CDH8: variants seen among roughly 807,000 people sequenced by gnomAD.
CDH8 encodes cadherin-8.
A neutral mutation model predicts 68.1 loss-of-function variants in CDH8; 17 were observed. The observed-to-expected ratio is 0.25, with a 90% CI of 0.17 to 0.37. The LOEUF (loss-of-function observed/expected upper bound fraction) is 0.37. Among genes scored for constraint, CDH8 ranks in the 10% least tolerant of loss-of-function variants. The probability of loss-of-function intolerance (pLI) is 1.00; values close to 1 mark genes in which losing one functional copy is unlikely to be tolerated. For synonymous variants in CDH8, 372 were observed against 365.1 expected (o/e 1.02, Z -0.21); for missense variants, 763 against 999.3 (o/e 0.76, Z 3.19).
At chr16:62,012,498 G>A (rs539048079) in intron 2 of CDH8, among the ~76,000 whole-genome samples, 3 of 152,088 alleles carry the variant, frequency 2.0e-5, no homozygotes, top group Admixed American at 2.0e-4. Flanking sequence ...TTTTTAAAAC[G>A]AGATTCTATT....
chr16:61,727,550 T>A lies in CDH8; in HGVS notation c.1415-335A>T, dbSNP rs1486877631. 2.0e-5 allele frequency among the ~76,000 whole-genome samples: 3 copies of A among 151,098 alleles called. No individual in the cohort carries two copies. In the East Asian group the frequency reaches 5.9e-4, roughly 30 times the overall value. Reference sequence around the variant, plus strand: ...AGAAAAATGTTGTATACAACAAAAATGTATCTCTTTTTTTCTTGAGTAGAA... The same window carrying A: ...AGAAAAATGTTGTATACAACAAAAAAGTATCTCTTTTTTTCTTGAGTAGAA... On this transcript the variant is annotated intron_variant, in intron 8 of 11. Transcript: ENST00000577390.
chr16:61,901,540 T>G (rs984400403), intron 2 of CDH8, 67 bp from the exon 3 acceptor site: 1 of 1,103,348 alleles, frequency 9.1e-7, no homozygotes, highest in Non-Finnish European at 1.3e-6. Context: ...AACTACCTCC[T>G]TTTTGAATAT....
At chr16:61,960,360 TACAC>T (rs1201749350) in intron 2 of CDH8, among the ~76,000 whole-genome samples, 1 of 98,752 alleles carries the variant, frequency 1.0e-5, no homozygotes, top group Non-Finnish European at 1.9e-5. Flanking sequence ...TGTGTGTGTA[TACAC>T]ATACATATAT....
intron 2 of CDH8, among the ~76,000 whole-genome samples, chr16:61,988,976 G>C (rs1005232776): frequency 4.6e-5 from 7 of 152,034 alleles, no homozygotes; most frequent in Non-Finnish European, 1.0e-4. Flanking sequence ...AAAAATGAGA[G>C]GGTCAGGGTA....
At chr16:61,663,251 T>C (rs1348704721) in intron 10 of CDH8, among the ~76,000 whole-genome samples, 3 of 152,044 alleles carry the variant, frequency 2.0e-5, no homozygotes. Context: ...TGTAAATATG[T>C]ATGAACTTTT....
At chr16:61,687,822 T>C (rs1964138099) in intron 10 of CDH8, among the ~76,000 whole-genome samples, 1 of 152,056 alleles carries the variant, frequency 6.6e-6, no homozygotes, top group African/African-American at 2.4e-5. Flanking sequence ...TCTAGCTATT[T>C]TGATTGCATA....
At chr16:61,962,622 C>T (rs928771710) in intron 2 of CDH8, among the ~76,000 whole-genome samples, 13 of 152,170 alleles carry the variant, frequency 8.5e-5, no homozygotes, top group African/African-American at 3.1e-4. Flanking sequence ...AAAATTGGTG[C>T]TTTACTCCTT....
intron 7 of CDH8, among the ~76,000 whole-genome samples, chr16:61,808,369 T>C (rs1961852599): frequency 6.6e-6 from 1 of 152,050 alleles, no homozygotes; most frequent in African/African-American, 2.4e-5. Flanking sequence ...TAGAAATTTA[T>C]AATAAAACCA....
At chr16:61,933,304 G>A (rs576228773) in intron 2 of CDH8, among the ~76,000 whole-genome samples, 1 of 152,256 alleles carries the variant, frequency 6.6e-6, no homozygotes, top group South Asian at 2.1e-4. Flanking sequence ...CAAGAGGAGA[G>A]GCTGTATTTG....
At chr16:61,689,622 G>A (rs1964178559) in intron 10 of CDH8, among the ~76,000 whole-genome samples, 1 of 151,950 alleles carries the variant, frequency 6.6e-6, no homozygotes, top group South Asian at 2.1e-4. Context: ...ATATTTGTTG[G>A]GAAACAAAAG....
At position 61,665,803 on chromosome 16, in the gene CDH8, C is replaced by G. The variant is rs971616384; in HGVS notation, c.1655-10082G>C. On this transcript the variant is annotated intron_variant, in intron 10 of 11. Transcript: ENST00000577390. The stretch of plus-strand genomic sequence containing the variant: ...TCCTTCCTTCCTTCCTTCCTTCCTT[C>G]CTTTCCCTCCTTCCTTCCTTCTCTC... Among the ~76,000 whole-genome samples the G allele has an allele frequency of 2.5e-5, 3 of 117,692 alleles. No homozygotes were observed. In the Admixed American group the frequency reaches 2.6e-4, roughly 10 times the overall value. The allele number at this position is 117,692 out of a possible 152,430, so 77.2% of individuals were successfully genotyped here. A position where few individuals can be genotyped will look rare whatever the true frequency, so the allele number is the denominator to read the frequency against.
chr16:61,884,374 ATTT>A (rs60987099), intron 3 of CDH8, among the ~76,000 whole-genome samples: 2 of 140,584 alleles, frequency 1.4e-5, no homozygotes, highest in Non-Finnish European at 1.6e-5. Flanking sequence ...CTTTCTTATG[ATTT>A]TTTTTTTTTT....
intron 8 of CDH8, among the ~76,000 whole-genome samples, chr16:61,729,472 G>A (rs1959474702): frequency 1.3e-5 from 2 of 151,142 alleles, no homozygotes; most frequent in Admixed American, 1.3e-4. Flanking sequence ...AATTGCACTC[G>A]TAATCTGCAA....
chr16:61,652,990 T>A lies in CDH8; in HGVS notation c.*618A>T. On this transcript the variant is annotated 3_prime_UTR_variant, in exon 12 of 12. Transcript: ENST00000577390. The stretch of plus-strand genomic sequence containing the variant: ...GGAATGGATTACGAACATGTGAATA[T>A]TTTAAGGCTCGACACAATATTTAAA... 6.8e-7 allele frequency: 1 copy of A among 1,477,510 alleles called. No individual in the cohort carries two copies. The highest frequency in any genetic ancestry group is 1.4e-5 in the African/African-American group (1 of 71,244). The allele number at this position is 1,477,510 out of a possible 1,614,324, so 91.5% of individuals were successfully genotyped here. A position where few individuals can be genotyped will look rare whatever the true frequency, so the allele number is the denominator to read the frequency against.
At chr16:61,818,662 C>A (rs1962137691) in intron 6 of CDH8, among the ~76,000 whole-genome samples, 1 of 152,142 alleles carries the variant, frequency 6.6e-6, no homozygotes, top group East Asian at 1.9e-4. Context: ...GCATTAGCAC[C>A]TTTATAGCCC....
intron 2 of CDH8, among the ~76,000 whole-genome samples, chr16:62,013,551 C>A (rs1203579177): frequency 6.6e-6 from 1 of 152,164 alleles, no homozygotes; most frequent in Non-Finnish European, 1.5e-5. Context: ...GCCAGGCACT[C>A]TGACTGTATC....
chr16:61,700,439 C>T (rs1164635160), intron 10 of CDH8, among the ~76,000 whole-genome samples: 3 of 151,930 alleles, frequency 2.0e-5, no homozygotes, highest in Non-Finnish European at 2.9e-5. Flanking sequence ...TGCCACAACG[C>T]CCAGGTAATT....
intron 4 of CDH8, among the ~76,000 whole-genome samples, chr16:61,853,194 A>C (rs1235239838): frequency 1.3e-5 from 2 of 152,102 alleles, no homozygotes; most frequent in African/African-American, 2.4e-5. Context: ...CAATAGAAGA[A>C]GCTCTCTCTG....
At chr16:62,012,433 C>T (rs935775999) in intron 2 of CDH8, among the ~76,000 whole-genome samples, 4 of 152,050 alleles carry the variant, frequency 2.6e-5, no homozygotes, top group Non-Finnish European at 5.9e-5. Flanking sequence ...TTAAATAAGC[C>T]TAGTGCTTTA....
Sources: allele counts gnomAD v4.1 joint callset (sites outside exome capture counted in the v4.1 genomes callset), GRCh38; gene constraint gnomAD v4.1.1; transcripts MANE v1.5; gene names NCBI Gene and HGNC (gene_info 2026-07-23, HGNC 2026-07-21).